THRB: variants seen among roughly 807,000 people sequenced by gnomAD.
THRB encodes the protein thyroid hormone receptor beta, also known as nuclear receptor subfamily 1 group A member 2.
In THRB, 12 loss-of-function variants were observed where a neutral mutation model predicts 47.8. The observed-to-expected ratio is 0.25, with a 90% CI of 0.16 to 0.41. The LOEUF (loss-of-function observed/expected upper bound fraction) is 0.41, where lower values mean the gene tolerates loss of function less well. THRB is among the 10% of genes least tolerant of loss of function. The probability of loss-of-function intolerance (pLI) is 1.00; values close to 1 mark genes in which losing one functional copy is unlikely to be tolerated. For synonymous variants in THRB, 218 were observed against 212.2 expected (o/e 1.03, Z -0.24); for missense variants, 348 against 589.2 (o/e 0.59, Z 4.24).
At chr3:24,367,344 A>C (rs74702881) in intron 1 of THRB, among the ~76,000 whole-genome samples, 1 of 152,200 alleles carries the variant, frequency 6.6e-6, no homozygotes, top group East Asian at 1.9e-4. Flanking sequence ...TTATGTATCA[A>C]ACCTCTTTGG....
intron 1 of THRB, among the ~76,000 whole-genome samples, chr3:24,474,396 T>C (rs1261027203): frequency 6.6e-6 from 1 of 152,192 alleles, no homozygotes; most frequent in Admixed American, 6.5e-5. Flanking sequence ...ACTCTTATAC[T>C]TCCTCCATAG....
chr3:24,124,308 T>C (rs1057455872), intron 10 of THRB, among the ~76,000 whole-genome samples: 1 of 152,230 alleles, frequency 6.6e-6, no homozygotes, highest in Admixed American at 6.5e-5. Flanking sequence ...TTTTCCTTCA[T>C]ATTTGATGAA....
chr3:24,330,887 T>A (rs1330257878), intron 2 of THRB, among the ~76,000 whole-genome samples: 2 of 152,184 alleles, frequency 1.3e-5, no homozygotes, highest in South Asian at 2.1e-4. Flanking sequence ...AAAAAGTAGG[T>A]TTTGCCTTGA....
intron 1 of THRB, among the ~76,000 whole-genome samples, chr3:24,477,138 A>C (rs1695597504): frequency 6.6e-6 from 1 of 150,616 alleles, no homozygotes; most frequent in African/African-American, 2.5e-5. Flanking sequence ...TTTTTGGATG[A>C]AACAAATGTT....
At chr3:24,407,082 A>C (rs1356103632) in intron 1 of THRB, among the ~76,000 whole-genome samples, 1 of 148,590 alleles carries the variant, frequency 6.7e-6, no homozygotes, top group Non-Finnish European at 1.5e-5. Flanking sequence ...CTGAGAAAAC[A>C]AACTTTGGCA....
chr3:24,420,644 A>G (rs1186269071), intron 1 of THRB, among the ~76,000 whole-genome samples: 1 of 151,990 alleles, frequency 6.6e-6, no homozygotes, highest in East Asian at 1.9e-4. Context: ...ACGAAACCAC[A>G]ATGAGACACC....
chr3:24,378,288 A>T (rs1366859900), intron 1 of THRB, among the ~76,000 whole-genome samples: 3 of 152,178 alleles, frequency 2.0e-5, no homozygotes, highest in Admixed American at 6.6e-5. Context: ...TTGTGCAGGT[A>T]TTTGGATAAA....
At chr3:24,212,927 C>T (rs80136013) in intron 4 of THRB, among the ~76,000 whole-genome samples, 62 of 152,288 alleles carry the variant, frequency 4.1e-4, no homozygotes, top group African/African-American at 1.4e-3. Flanking sequence ...TCAGATGATT[C>T]CTTCTGCCAA....
At chr3:24,442,824 C>CAAAAAA (rs71988334) in intron 1 of THRB, among the ~76,000 whole-genome samples, 1 of 135,144 alleles carries the variant, frequency 7.4e-6, no homozygotes, top group Non-Finnish European at 1.6e-5. Context: ...AACTCCGTCT[C>CAAAAAA]AAAAAAAAAA....
chr3:24,449,854 A>T (rs1466808013), intron 1 of THRB, among the ~76,000 whole-genome samples: 1 of 152,242 alleles, frequency 6.6e-6, no homozygotes, highest in African/African-American at 2.4e-5. Context: ...AAAAGAAGAT[A>T]CTAACTTGGC....
chr3:24,439,215 A>G (rs2071285169), intron 1 of THRB, among the ~76,000 whole-genome samples: 1 of 152,242 alleles, frequency 6.6e-6, no homozygotes, highest in South Asian at 2.1e-4. Context: ...TGTCATTGTC[A>G]AGGGCAATCC....
At chr3:24,333,295 CAT>C (rs928155170) in intron 2 of THRB, among the ~76,000 whole-genome samples, 26 of 152,136 alleles carry the variant, frequency 1.7e-4, no homozygotes, top group Non-Finnish European at 3.7e-4. Context: ...TGACTACACA[CAT>C]GTTACATTAG....
At chr3:24,298,277 C>A (rs1459910409) in intron 2 of THRB, among the ~76,000 whole-genome samples, 2 of 152,164 alleles carry the variant, frequency 1.3e-5, no homozygotes, top group Non-Finnish European at 2.9e-5. Flanking sequence ...GCACCCAGAT[C>A]AAAAATCTGA....
At chr3:24,204,015 G>T (rs184343749) in intron 4 of THRB, among the ~76,000 whole-genome samples, 63 of 152,366 alleles carry the variant, frequency 4.1e-4, no homozygotes, top group African/African-American at 1.5e-3. Context: ...CGGGAAGCTC[G>T]AACTGGGCGG....
intron 1 of THRB, among the ~76,000 whole-genome samples, chr3:24,482,970 T>G (rs1156910365): frequency 2.6e-5 from 4 of 152,214 alleles, no homozygotes; most frequent in Admixed American, 2.6e-4. Flanking sequence ...TATTTTTCTT[T>G]TATATGTTCT....
chr3:24,494,618 G>A (rs1388917700), intron 1 of THRB, 34 bp downstream of exon 1: 1 of 150,184 alleles, frequency 6.7e-6, no homozygotes, highest in African/African-American at 2.5e-5. Flanking sequence ...CCACCCTGTG[G>A]ACAGTTGGAA....
At chr3:24,226,353 C>A (rs553402077) in intron 4 of THRB, among the ~76,000 whole-genome samples, 1 of 152,076 alleles carries the variant, frequency 6.6e-6, no homozygotes, top group South Asian at 2.1e-4. Flanking sequence ...CCACTGCAAT[C>A]GAAGGAGGGA....
chr3:24,425,588 A>G (rs2069680288), intron 1 of THRB, among the ~76,000 whole-genome samples: 1 of 151,966 alleles, frequency 6.6e-6, no homozygotes, highest in African/African-American at 2.4e-5. Context: ...ACTATAAATA[A>G]TTTGGTTGGA....
rs902979286 is a variant in THRB at position 24,259,694 on chromosome 3, A to AGTTT, written c.-42-30697_-42-30694dup. 3.4e-5 allele frequency among the ~76,000 whole-genome samples: 5 copies of AGTTT among 147,450 alleles called. 1 individual carries two copies. The highest frequency in any genetic ancestry group is 1.3e-4 in the African/African-American group (5 of 39,860). Reference sequence around the variant, plus strand: ...GTTATTTCCCATATCAGAGACTAGAAGTTTGTTTGTTTGTTTTTAATATAT... The same window carrying AGTTT: ...GTTATTTCCCATATCAGAGACTAGAAGTTTGTTTGTTTGTTTGTTTTTAATATAT... On this transcript the variant is annotated intron_variant, in intron 3 of 10. Coordinates refer to ENST00000646209, the MANE Select transcript of THRB (RefSeq NM_001354712.2).
Sources: allele counts gnomAD v4.1 joint callset (sites outside exome capture counted in the v4.1 genomes callset), GRCh38; gene constraint gnomAD v4.1.1; transcripts MANE v1.5; gene names NCBI Gene and HGNC (gene_info 2026-07-23, HGNC 2026-07-21).